The following ROR1 variants were observed in gnomAD, a reference collection of about 807,000 sequenced individuals.
ROR1 encodes ROR family WNT receptor 1.
ROR1 carries 19 observed loss-of-function variants against 78.8 expected under a neutral mutation model. The ratio of observed to expected loss-of-function variants is 0.24; its 90% confidence interval spans 0.17 to 0.35. The LOEUF (loss-of-function observed/expected upper bound fraction) is 0.35. Ranked by LOEUF, ROR1 falls within the 10% of genes least tolerant of loss-of-function variation. The pLI is 1.00. For missense variants in ROR1, 917 were observed against 1,177.8 expected, an observed-to-expected ratio of 0.78 and a Z score of 3.24; for synonymous variants, 386 against 433.6, an observed-to-expected ratio of 0.89 and a Z score of 1.36.
intron 1 of ROR1, among the ~76,000 whole-genome samples, chr1:63,801,569 A>G (rs924528772): frequency 8.5e-5 from 13 of 152,182 alleles, no homozygotes; most frequent in African/African-American, 2.7e-4. Flanking sequence ...TGTTGGGATT[A>G]CAGATGTGAG....
chr1:64,135,707 T>C (rs980354758), intron 4 of ROR1, among the ~76,000 whole-genome samples: 2 of 152,326 alleles, frequency 1.3e-5, no homozygotes, highest in East Asian at 3.9e-4. Context: ...AAAGTAAACA[T>C]GTGGAGTGCT....
intron 2 of ROR1, among the ~76,000 whole-genome samples, chr1:64,010,403 A>G (rs920695652): frequency 1.3e-5 from 2 of 148,710 alleles, no homozygotes; most frequent in African/African-American, 5.2e-5. Flanking sequence ...AAAATCTAGC[A>G]CAAACTCTTA....
chr1:64,157,456 T>G lies in ROR1; in HGVS notation c.1175-1525T>G, dbSNP rs531893546. Among the ~76,000 whole-genome samples, 3 of 152,266 alleles carry G rather than the reference T, an allele frequency of 2.0e-5. No homozygotes were observed. The South Asian group carries it at 6.2e-4, about 32-fold the overall frequency. ...ACCCAGCCTAAAATTCGTATTATTT[T>G]TATTCTACTCTGTAACCAGATTTAA... On this transcript the variant is annotated intron_variant, in intron 7 of 8. Transcript: ENST00000371079.
At chr1:63,904,676 G>A (rs1236329694) in intron 1 of ROR1, among the ~76,000 whole-genome samples, 1 of 152,096 alleles carries the variant, frequency 6.6e-6, no homozygotes, top group Non-Finnish European at 1.5e-5. Context: ...AAGTCATTAG[G>A]GTGAGCCCTA....
intron 1 of ROR1, among the ~76,000 whole-genome samples, chr1:63,829,516 A>G (rs1644973644): frequency 6.6e-6 from 1 of 152,154 alleles, no homozygotes; most frequent in South Asian, 2.1e-4. Flanking sequence ...AGATCTGGGG[A>G]TGGAATGGGC....
At chr1:64,045,864 T>C (rs973922725) in intron 2 of ROR1, among the ~76,000 whole-genome samples, 1 of 152,174 alleles carries the variant, frequency 6.6e-6, no homozygotes, top group Non-Finnish European at 1.5e-5. Context: ...AACTTTTCCC[T>C]TAAGCCAGAC....
intron 1 of ROR1, among the ~76,000 whole-genome samples, chr1:63,887,503 G>C (rs189694598): frequency 6.6e-6 from 1 of 152,018 alleles, no homozygotes; most frequent in South Asian, 2.1e-4. Context: ...GAACATTTGC[G>C]TTATTTCAGA....
chr1:63,793,957 C>T (rs879692945), intron 1 of ROR1, among the ~76,000 whole-genome samples: 2 of 152,178 alleles, frequency 1.3e-5, no homozygotes, highest in Non-Finnish European at 2.9e-5. Context: ...AGACTCCTGT[C>T]TCCGTTGTGT....
intron 1 of ROR1, among the ~76,000 whole-genome samples, chr1:63,926,092 G>A (rs1224673643): frequency 6.6e-6 from 1 of 152,174 alleles, no homozygotes; most frequent in Admixed American, 6.5e-5. Context: ...CCTTGTCCAT[G>A]CCTAAGTCCT....
At chr1:64,138,659 C>A (rs904434831) in intron 5 of ROR1, among the ~76,000 whole-genome samples, 3 of 151,620 alleles carry the variant, frequency 2.0e-5, no homozygotes, top group African/African-American at 7.3e-5. Context: ...CATTCTCCTG[C>A]ATCAGCCTCC....
intron 1 of ROR1, among the ~76,000 whole-genome samples, chr1:63,874,993 T>A (rs1645275850): frequency 6.6e-6 from 1 of 152,164 alleles, no homozygotes; most frequent in South Asian, 2.1e-4. Flanking sequence ...ATCCTACTAA[T>A]GGAACCAGCA....
chr1:64,029,286 C>T (rs1357145345), intron 2 of ROR1, among the ~76,000 whole-genome samples: 1 of 152,112 alleles, frequency 6.6e-6, no homozygotes, highest in Non-Finnish European at 1.5e-5. Flanking sequence ...GGTTGAGTAA[C>T]CTCAGGTCAT....
intron 1 of ROR1, among the ~76,000 whole-genome samples, chr1:63,933,507 T>A (rs1379083362): frequency 6.6e-6 from 1 of 152,220 alleles, no homozygotes; most frequent in Non-Finnish European, 1.5e-5. Context: ...ATAAGCATGG[T>A]TGCTTTGCTC....
intron 1 of ROR1, among the ~76,000 whole-genome samples, chr1:63,780,033 A>G (rs1644641570): frequency 6.6e-6 from 1 of 152,246 alleles, no homozygotes; most frequent in Non-Finnish European, 1.5e-5. Context: ...GGCTCTGCTT[A>G]ACAGTAACTG....
chr1:63,997,161 T>C (rs1646343456), intron 1 of ROR1, among the ~76,000 whole-genome samples: 1 of 152,170 alleles, frequency 6.6e-6, no homozygotes, highest in Non-Finnish European at 1.5e-5. Flanking sequence ...GGGGTTTGTT[T>C]TTCTCCCCAT....
At chr1:63,899,032 C>T (rs1000997015) in intron 1 of ROR1, among the ~76,000 whole-genome samples, 90 of 152,084 alleles carry the variant, frequency 5.9e-4, no homozygotes, top group African/African-American at 1.9e-3. Flanking sequence ...AGCACCGGGA[C>T]GGGCAAAGCT....
intron 1 of ROR1, among the ~76,000 whole-genome samples, chr1:63,953,341 A>C (rs1391436140): frequency 6.6e-6 from 1 of 152,190 alleles, no homozygotes; most frequent in Non-Finnish European, 1.5e-5. Flanking sequence ...ACTGGATGCC[A>C]AAAACCATGG....
At chr1:63,866,567 A>G (rs1317754923) in intron 1 of ROR1, among the ~76,000 whole-genome samples, 1 of 152,210 alleles carries the variant, frequency 6.6e-6, no homozygotes, top group Non-Finnish European at 1.5e-5. Context: ...ATTTAGGAGA[A>G]GAAAGCTTTC....
rs1650203020 is a variant in ROR1, at chr1:64,170,416, G to A, written c.1387-7012G>A. On this transcript the variant is annotated intron_variant, in intron 8 of 8. Coordinates refer to ENST00000371079, the MANE Select transcript of ROR1 (RefSeq NM_005012.4). ...CTTTTAGTCATAGCTGGAGTGGCTG[G>A]GACACAGGGCACTAAGTACCTAGAC... Among the ~76,000 whole-genome samples the A allele has an allele frequency of 3.9e-5, 6 of 152,230 alleles. No individual in the cohort carries two copies. In the South Asian group the frequency reaches 1.2e-3, roughly 32 times the overall value.
Sources: allele counts gnomAD v4.1 joint callset (sites outside exome capture counted in the v4.1 genomes callset), GRCh38; gene constraint gnomAD v4.1.1; transcripts MANE v1.5; gene names NCBI Gene and HGNC (gene_info 2026-07-23, HGNC 2026-07-21).